The following CCR5AS variants were observed in gnomAD, a reference collection of about 807,000 sequenced individuals.
CCR5AS encodes the protein CCR5 antisense RNA.
At chr3:46,392,418 G>A (rs1701921344) in intron 2 of CCR5AS, among the ~76,000 whole-genome samples, 1 of 152,228 alleles carries the variant, frequency 6.6e-6, no homozygotes, top group Non-Finnish European at 1.5e-5. Context: ...AAGCGTGGAA[G>A]GTTGCCCATA....
intron 2 of CCR5AS, among the ~76,000 whole-genome samples, chr3:46,389,042 T>C (rs1701885261): frequency 6.6e-6 from 1 of 151,488 alleles, no homozygotes; most frequent in African/African-American, 2.4e-5. Flanking sequence ...TGAATAGGAG[T>C]ATGACTAGAC....
intron 1 of CCR5AS, among the ~76,000 whole-genome samples, chr3:46,406,560 C>T (rs1325943708): frequency 2.6e-5 from 4 of 152,062 alleles, no homozygotes; most frequent in Admixed American, 1.3e-4. Context: ...TTAAACTTGT[C>T]CTCCTCACAT....
chr3:46,383,929 C>T (rs1428367398), intron 2 of CCR5AS, among the ~76,000 whole-genome samples: 1 of 152,094 alleles, frequency 6.6e-6, no homozygotes, highest in Non-Finnish European at 1.5e-5. Context: ...GAAAAGCAAG[C>T]AAAAAGGCAA....
chr3:46,396,219 T>C (rs1007663575), intron 1 of CCR5AS, among the ~76,000 whole-genome samples: 1 of 152,214 alleles, frequency 6.6e-6, no homozygotes, highest in Non-Finnish European at 1.5e-5. Context: ...TTTAAGATGA[T>C]TCATATCAGA....
intron 2 of CCR5AS, chr3:46,373,118 G>A (rs143880323): frequency 6.2e-7 from 1 of 1,614,038 alleles, no homozygotes; most frequent in Non-Finnish European, 8.5e-7. Context: ...TGCTCAACCT[G>A]GCCATCTCTG....
intron 2 of CCR5AS, among the ~76,000 whole-genome samples, chr3:46,386,109 T>C (rs1183935078): frequency 6.6e-6 from 1 of 151,774 alleles, no homozygotes; most frequent in Non-Finnish European, 1.5e-5. Context: ...AGAGACAGGG[T>C]CTTGCCATGT....
At chr3:46,371,386 T>C (rs1178848622) in exon 3 of CCR5AS, 2 of 152,190 alleles carry the variant, frequency 1.3e-5, no homozygotes, top group African/African-American at 4.8e-5. Context: ...TCTGGTTCTC[T>C]TTTTTCTTTT....
At chr3:46,384,358 AG>A (rs1191063714) in intron 2 of CCR5AS, among the ~76,000 whole-genome samples, 3 of 152,242 alleles carry the variant, frequency 2.0e-5, no homozygotes, top group African/African-American at 2.4e-5. Flanking sequence ...AGAAAAGGGA[AG>A]ATGAAGAATC....
chr3:46,396,534 C>T (rs1701963553), intron 1 of CCR5AS, among the ~76,000 whole-genome samples: 2 of 152,218 alleles, frequency 1.3e-5, no homozygotes, highest in Non-Finnish European at 2.9e-5. Flanking sequence ...CAAGCCAATG[C>T]ATCTCTCCAT....
chr3:46,386,542 C>G (rs559062282), intron 2 of CCR5AS, among the ~76,000 whole-genome samples: 6 of 152,274 alleles, frequency 3.9e-5, no homozygotes, highest in African/African-American at 1.2e-4. Context: ...GGGTAGACAG[C>G]CAGCCAAATC....
intron 1 of CCR5AS, among the ~76,000 whole-genome samples, chr3:46,399,854 G>A (rs1701991863): frequency 6.6e-6 from 1 of 152,142 alleles, no homozygotes; most frequent in South Asian, 2.1e-4. Flanking sequence ...GCTTGAAATA[G>A]TTGATGGAAA....
At chr3:46,395,599 G>A (rs2106775163) in intron 1 of CCR5AS, among the ~76,000 whole-genome samples, 1 of 152,312 alleles carries the variant, frequency 6.6e-6, no homozygotes, top group East Asian at 1.9e-4. Context: ...CAATCGGAAT[G>A]CAGAAAGACT....
chr3:46,372,800 A>T (rs1701680913), intron 2 of CCR5AS: 1 of 872,282 alleles, frequency 1.1e-6, no homozygotes, highest in African/African-American at 1.7e-5. Flanking sequence ...GGCAATTAAA[A>T]ACCTATTGAT....
chr3:46,396,182 A>G (rs1267701486), intron 1 of CCR5AS, among the ~76,000 whole-genome samples: 1 of 152,174 alleles, frequency 6.6e-6, no homozygotes, highest in Non-Finnish European at 1.5e-5. Flanking sequence ...TTTTACCTCT[A>G]TTCATAAAAG....
intron 1 of CCR5AS, among the ~76,000 whole-genome samples, chr3:46,404,329 T>C (rs200421979): frequency 8.2e-3 from 133 of 16,182 alleles, no homozygotes; most frequent in South Asian, 0.028. Context: ...CTCTCTCTCT[T>C]TTTTTTTTTT....
At chr3:46,375,640 C>T (rs1701745080) in intron 2 of CCR5AS, 1 of 164,634 alleles carries the variant, frequency 6.1e-6, no homozygotes, top group African/African-American at 2.5e-5. Context: ...ATTTACCAGC[C>T]TCCGTATTTC....
chr3:46,372,994 G>C (rs56340326), intron 2 of CCR5AS: 2 of 1,613,900 alleles, frequency 1.2e-6, no homozygotes, highest in East Asian at 4.5e-5. Context: ...ATCGCAGCCC[G>C]CCTCCTGCCT....
At chr3:46,403,073 C>T (rs954380810) in intron 1 of CCR5AS, among the ~76,000 whole-genome samples, 9 of 152,230 alleles carry the variant, frequency 5.9e-5, no homozygotes, top group Admixed American at 1.3e-4. Context: ...AACATGATCT[C>T]GTTCTTTTCA....
chr3:46,390,252 T>C (rs1415661489), intron 2 of CCR5AS, among the ~76,000 whole-genome samples: 1 of 152,030 alleles, frequency 6.6e-6, no homozygotes, highest in Non-Finnish European at 1.5e-5. Context: ...AGAAGGCATC[T>C]TTGAGGTCGA....
Sources: gnomAD v4.1 joint callset for allele counts (sites outside exome capture counted in the v4.1 genomes callset) on GRCh38, gnomAD v4.1.1 for gene constraint, MANE v1.5 for transcripts, NCBI Gene and HGNC (gene_info 2026-07-23, HGNC 2026-07-21) for gene names.